HCRTR2: variants seen among roughly 807,000 people sequenced by gnomAD.
The protein encoded by HCRTR2 is hypocretin receptor 2.
Under a neutral mutation model 49.0 loss-of-function variants are expected in HCRTR2, and 22 were observed. The observed-to-expected ratio is 0.45, with a 90% CI of 0.32 to 0.64. The LOEUF is 0.64. Among genes scored for constraint, HCRTR2 ranks in the 30% least tolerant of loss-of-function variants. The pLI, the probability that HCRTR2 is intolerant of heterozygous loss-of-function variation, is 0.04. For missense variants in HCRTR2, 491 were observed against 559.4 expected, an observed-to-expected ratio of 0.88 and a Z score of 1.23; for synonymous variants, 236 against 205.3, an observed-to-expected ratio of 1.15 and a Z score of -1.28.
chr6:55,177,456 G>C (rs554377175), intron 1 of HCRTR2, among the ~76,000 whole-genome samples: 2 of 152,206 alleles, frequency 1.3e-5, no homozygotes, highest in East Asian at 1.9e-4. Flanking sequence ...TTGCCCCTCT[G>C]GTATAAGTAA....
intron 1 of HCRTR2, among the ~76,000 whole-genome samples, chr6:55,107,153 T>C (rs188753970): frequency 6.6e-6 from 1 of 151,644 alleles, no homozygotes; most frequent in Admixed American, 6.6e-5. Context: ...AGGTGCAAAA[T>C]ATTTTCTGGT....
intron 1 of HCRTR2, among the ~76,000 whole-genome samples, chr6:55,225,480 C>T (rs185907784): frequency 1.0e-3 from 155 of 152,204 alleles, no homozygotes; most frequent in Non-Finnish European, 1.7e-3. Context: ...TATGAGTTAT[C>T]ATAAGCATGG....
At chr6:55,159,009 G>T (rs2127261461) in intron 1 of HCRTR2, among the ~76,000 whole-genome samples, 1 of 152,292 alleles carries the variant, frequency 6.6e-6, no homozygotes, top group Admixed American at 6.5e-5. Context: ...TCTCCAGACT[G>T]GGAGACACCG....
intron 1 of HCRTR2, among the ~76,000 whole-genome samples, chr6:55,198,200 C>T: frequency 6.6e-6 from 1 of 152,160 alleles, no homozygotes; most frequent in East Asian, 1.9e-4. Flanking sequence ...ATCTGTATCT[C>T]TACCCCATCA....
intron 1 of HCRTR2, among the ~76,000 whole-genome samples, chr6:55,158,238 G>C (rs1007990458): frequency 1.3e-5 from 2 of 152,206 alleles, no homozygotes; most frequent in African/African-American, 2.4e-5. Flanking sequence ...AACGGAATCT[G>C]TGAGGGACTG....
rs549342165 is a variant in HCRTR2, at chr6:55,208,312, C to T, written c.223+33502C>T. 4.7e-5 allele frequency among the ~76,000 whole-genome samples: 6 copies of T among 128,264 alleles called. No homozygotes were observed. The East Asian group carries it at 6.9e-4, about 15-fold the overall frequency. 84.1% of individuals were successfully genotyped at this position (128,264 alleles called of 152,430 possible). A position where few individuals can be genotyped will look rare whatever the true frequency, so the allele number is the denominator to read the frequency against. The stretch of plus-strand genomic sequence containing the variant: ...CCAACACGGTGAAAAACAGTCTCTA[C>T]GAAAAATAAAAAAATAAAAAAAAAA... On this transcript the variant is annotated intron_variant, in intron 1 of 6. Coordinates refer to ENST00000370862, the MANE Select transcript of HCRTR2 (RefSeq NM_001384272.1).
At chr6:55,200,427 G>A (rs1765493684) in intron 1 of HCRTR2, among the ~76,000 whole-genome samples, 1 of 152,022 alleles carries the variant, frequency 6.6e-6, no homozygotes, top group Non-Finnish European at 1.5e-5. Flanking sequence ...ACCACACCCA[G>A]CTAATTTTTT....
intron 1 of HCRTR2, among the ~76,000 whole-genome samples, chr6:55,187,958 A>G (rs1388489463): frequency 6.6e-6 from 1 of 150,854 alleles, no homozygotes; most frequent in African/African-American, 2.4e-5. Flanking sequence ...TTTTTCTTGT[A>G]TTTTTAGTAG....
chr6:55,196,153 C>A (rs1280133466), intron 1 of HCRTR2, among the ~76,000 whole-genome samples: 1 of 152,138 alleles, frequency 6.6e-6, no homozygotes, highest in Non-Finnish European at 1.5e-5. Flanking sequence ...ACTCCTGTTT[C>A]TTCACATTCC....
Position 55,282,448 on chromosome 6 carries a change from C to G in HCRTR2, c.1329C>G (p.Asn443Lys), listed in dbSNP as rs774560099. ...CCAATGGAGCAGGACCACTTCAAAA[C>G]TGGTAGAATATTTATTCATATGACA... Reference protein sequence around the residue: ...PAANGAGPLQNW With the variant: ...PAANGAGPLQKW The change falls in exon 7 of 7, where the codon AAC (asparagine) becomes AAG (lysine). Residue 443 changes from asparagine (N) to lysine (K), a missense_variant. Asn to Lys is a moderately conservative substitution (Grantham distance 94). Coordinates refer to ENST00000370862, the MANE Select transcript of HCRTR2 (RefSeq NM_001384272.1). 25 of 1,532,720 alleles carry G rather than the reference C, an allele frequency of 1.6e-5. No homozygotes were observed. Among genetic ancestry groups the G allele is most frequent in the Non-Finnish European group, 2.3e-5 (25 of 1,106,832 alleles). 94.9% of individuals were successfully genotyped at this position (1,532,720 alleles called of 1,614,324 possible).
intron 3 of HCRTR2, among the ~76,000 whole-genome samples, chr6:55,256,224 C>A (rs932536018): frequency 1.6e-4 from 24 of 151,932 alleles, no homozygotes; most frequent in South Asian, 8.3e-4. Context: ...TAAAAAAAAA[C>A]CAATCTGACC....
rs150156027 is a variant in HCRTR2 at position 55,197,920 on chromosome 6, C to A, written c.223+23110C>A. 3.3e-5 allele frequency among the ~76,000 whole-genome samples: 5 copies of A among 152,184 alleles called. No homozygotes were observed. In the East Asian group the frequency reaches 7.8e-4, roughly 24 times the overall value. The stretch of plus-strand genomic sequence containing the variant: ...ACAGGCATGAGCCACCACGCCCAGC[C>A]GACCCTTTCTCTTAACCTACACTAA... On this transcript the variant is annotated intron_variant, in intron 1 of 6. Coordinates refer to ENST00000370862, the MANE Select transcript of HCRTR2 (RefSeq NM_001384272.1).
intron 5 of HCRTR2, among the ~76,000 whole-genome samples, chr6:55,279,266 A>G (rs1767141200): frequency 1.3e-5 from 2 of 152,036 alleles, no homozygotes; most frequent in African/African-American, 2.4e-5. Context: ...CACAAAAACC[A>G]TTCCTAGCTT....
At chr6:55,191,070 T>C (rs949898494) in intron 1 of HCRTR2, among the ~76,000 whole-genome samples, 1 of 152,054 alleles carries the variant, frequency 6.6e-6, no homozygotes, top group Non-Finnish European at 1.5e-5. Context: ...AGCAAGAAAT[T>C]ACAGCAAAAA....
At chr6:55,116,398 G>A (rs1357801994) in intron 1 of HCRTR2, among the ~76,000 whole-genome samples, 1 of 151,214 alleles carries the variant, frequency 6.6e-6, no homozygotes, top group African/African-American at 2.4e-5. Context: ...TTCATCACTG[G>A]TTTTTAGTTT....
chr6:55,282,708 A>G, downstream of HCRTR2: 1 of 400,188 alleles, frequency 2.5e-6, no homozygotes, highest in Non-Finnish European at 4.1e-6. Context: ...TCATGTATTA[A>G]AATGTGTCAA....
intron 1 of HCRTR2, among the ~76,000 whole-genome samples, chr6:55,246,770 C>T (rs796898547): frequency 2.6e-5 from 4 of 152,014 alleles, no homozygotes; most frequent in South Asian, 2.1e-4. Context: ...GATATTAATG[C>T]TATTCACTTC....
intron 1 of HCRTR2, among the ~76,000 whole-genome samples, chr6:55,233,356 G>T (rs1202254556): frequency 6.6e-6 from 1 of 152,068 alleles, no homozygotes; most frequent in African/African-American, 2.4e-5. Context: ...TTCCCAAAGT[G>T]CTGGGATTAC....
chr6:55,123,626 T>C (rs1379021383), intron 1 of HCRTR2, among the ~76,000 whole-genome samples: 1 of 152,128 alleles, frequency 6.6e-6, no homozygotes, highest in Non-Finnish European at 1.5e-5. Flanking sequence ...GCTATTAGGG[T>C]GATACTCGCC....
Sources: gnomAD v4.1 joint callset for allele counts (sites outside exome capture counted in the v4.1 genomes callset) on GRCh38, gnomAD v4.1.1 for gene constraint, MANE v1.5 for transcripts, NCBI Gene and HGNC (gene_info 2026-07-23, HGNC 2026-07-21) for gene names.